The following VKORC1L1 variants were observed in gnomAD, a reference collection of about 807,000 sequenced individuals.
The protein encoded by VKORC1L1 is vitamin K epoxide reductase complex subunit 1L1.
A neutral mutation model predicts 18.9 loss-of-function variants in VKORC1L1; 2 were observed. The ratio of observed to expected loss-of-function variants is 0.11; its 90% CI spans 0.04 to 0.33. The LOEUF (loss-of-function observed/expected upper bound fraction) is 0.33, where lower values mean the gene tolerates loss of function less well. Ranked by LOEUF, VKORC1L1 falls within the 10% of genes least tolerant of loss-of-function variation. The pLI is 1.00. For missense variants in VKORC1L1, 123 were observed against 224.1 expected (o/e 0.55, Z 2.88); for synonymous variants, 96 against 100.0 (o/e 0.96, Z 0.24).
intron 1 of VKORC1L1, among the ~76,000 whole-genome samples, chr7:65,904,258 G>T (rs1789367805): frequency 6.6e-6 from 1 of 152,110 alleles, no homozygotes; most frequent in African/African-American, 2.4e-5. Context: ...GCCCAGGGTG[G>T]AGTACAGTAG....
At chr7:65,942,666 C>T (rs1790056818) in intron 1 of VKORC1L1, among the ~76,000 whole-genome samples, 2 of 151,910 alleles carry the variant, frequency 1.3e-5, no homozygotes, top group African/African-American at 4.8e-5. Flanking sequence ...GCTGGGATTA[C>T]AGGCGCCCGC....
intron 1 of VKORC1L1, among the ~76,000 whole-genome samples, chr7:65,907,633 C>A (rs1444721616): frequency 1.3e-5 from 2 of 152,112 alleles, no homozygotes; most frequent in East Asian, 1.9e-4. Context: ...CAATAAACAC[C>A]ACTGTGAATA....
chr7:65,875,505 C>T (rs1788811840), intron 1 of VKORC1L1, among the ~76,000 whole-genome samples: 1 of 152,060 alleles, frequency 6.6e-6, no homozygotes, highest in Non-Finnish European at 1.5e-5. Context: ...GCAACCTCCA[C>T]CTCCCGGGTT....
intron 1 of VKORC1L1, among the ~76,000 whole-genome samples, chr7:65,903,114 C>T (rs1789346666): frequency 6.6e-6 from 1 of 151,880 alleles, no homozygotes; most frequent in African/African-American, 2.4e-5. Context: ...GATCTGCCCA[C>T]CTCGGCCTCC....
chr7:65,954,865 A>G lies in VKORC1L1; in HGVS notation c.*565A>G, dbSNP rs2115761154. On this transcript the variant is annotated 3_prime_UTR_variant, in exon 3 of 3. Coordinates refer to ENST00000360768, the MANE Select transcript of VKORC1L1 (RefSeq NM_173517.6). ...CAGTTTAGTTGGAGTGTAGCACTGA[A>G]GAACTGTCAGCTCAGCGTTGACTGA... The G allele has an allele frequency of 6.5e-6, 1 of 155,010 alleles. No individual in the cohort carries two copies. 9.6% of individuals were successfully genotyped at this position (155,010 alleles called of 1,614,324 possible).
At chr7:65,916,168 C>T (rs1030641928) in intron 1 of VKORC1L1, among the ~76,000 whole-genome samples, 1 of 150,162 alleles carries the variant, frequency 6.7e-6, no homozygotes. Flanking sequence ...GCTTGATTAC[C>T]CAGTGATACA....
intron 1 of VKORC1L1, among the ~76,000 whole-genome samples, chr7:65,924,484 A>G (rs1457590802): frequency 1.3e-5 from 2 of 152,258 alleles, no homozygotes; most frequent in African/African-American, 4.8e-5. Flanking sequence ...GATCGTTGCC[A>G]AACTAACTAC....
chr7:65,920,003 C>T (rs1475075056), intron 1 of VKORC1L1, among the ~76,000 whole-genome samples: 1 of 152,122 alleles, frequency 6.6e-6, no homozygotes, highest in Non-Finnish European at 1.5e-5. Flanking sequence ...TACTGCTACC[C>T]TTGCCCTGGT....
intron 1 of VKORC1L1, among the ~76,000 whole-genome samples, chr7:65,914,420 C>T (rs2115588602): frequency 6.6e-6 from 1 of 152,210 alleles, no homozygotes; most frequent in Middle Eastern, 3.4e-3. Flanking sequence ...TCTTTTTTGC[C>T]ACTGTCTCTC....
chr7:65,944,899 A>G (rs906404931), intron 1 of VKORC1L1, among the ~76,000 whole-genome samples: 1 of 151,348 alleles, frequency 6.6e-6, no homozygotes, highest in African/African-American at 2.4e-5. Context: ...CATTATTGAC[A>G]GAGTGAGACC....
At chr7:65,951,270 C>T (rs1232685909) in intron 2 of VKORC1L1, among the ~76,000 whole-genome samples, 2 of 152,142 alleles carry the variant, frequency 1.3e-5, no homozygotes, top group Non-Finnish European at 2.9e-5. Flanking sequence ...AATCCATTCA[C>T]GTGGTTCAAA....
intron 1 of VKORC1L1, among the ~76,000 whole-genome samples, chr7:65,908,722 A>G (rs1016386747): frequency 1.3e-5 from 2 of 150,694 alleles, no homozygotes; most frequent in African/African-American, 4.9e-5. Flanking sequence ...CTATCTTCCC[A>G]GCTACTCAGG....
chr7:65,901,495 A>G (rs1331938663), intron 1 of VKORC1L1, among the ~76,000 whole-genome samples: 3 of 152,234 alleles, frequency 2.0e-5, no homozygotes, highest in Non-Finnish European at 2.9e-5. Flanking sequence ...AGCAATTTGT[A>G]GGCATTGGGT....
chr7:65,925,901 T>G (rs926625600), intron 1 of VKORC1L1, among the ~76,000 whole-genome samples: 10 of 152,122 alleles, frequency 6.6e-5, no homozygotes, highest in Admixed American at 6.5e-4. Context: ...CCAAGCGTCT[T>G]CATTCCAATC....
intron 1 of VKORC1L1, among the ~76,000 whole-genome samples, chr7:65,881,156 C>G (rs1268567929): frequency 6.6e-6 from 1 of 152,178 alleles, no homozygotes; most frequent in Non-Finnish European, 1.5e-5. Flanking sequence ...TTGTACTAGG[C>G]TTGTATTAGA....
At chr7:65,928,281 G>A (rs1353033694) in intron 1 of VKORC1L1, among the ~76,000 whole-genome samples, 1 of 141,896 alleles carries the variant, frequency 7.0e-6, no homozygotes, top group African/African-American at 2.6e-5. Flanking sequence ...TTTTCAGATG[G>A]GGTCTCACTG....
At chr7:65,902,237 T>C (rs766420153) in intron 1 of VKORC1L1, among the ~76,000 whole-genome samples, 1 of 152,152 alleles carries the variant, frequency 6.6e-6, no homozygotes, top group Middle Eastern at 3.4e-3. Flanking sequence ...GACAAAGACA[T>C]GAAAACAGCA....
At chr7:65,870,329 C>A (rs1788711514), upstream of VKORC1L1, among the ~76,000 whole-genome samples, 1 of 150,842 alleles carries the variant, frequency 6.6e-6, no homozygotes, top group Non-Finnish European at 1.5e-5. Flanking sequence ...ACTTGGGAGG[C>A]TGAGGCAGGA....
intron 1 of VKORC1L1, among the ~76,000 whole-genome samples, chr7:65,891,777 C>G (rs1401859162): frequency 6.6e-6 from 1 of 152,166 alleles, no homozygotes; most frequent in Non-Finnish European, 1.5e-5. Context: ...ACCCCATCAC[C>G]TGAATCATTT....
Sources: gnomAD v4.1 joint callset for allele counts (sites outside exome capture counted in the v4.1 genomes callset) on GRCh38, gnomAD v4.1.1 for gene constraint, MANE v1.5 for transcripts, NCBI Gene and HGNC (gene_info 2026-07-23, HGNC 2026-07-21) for gene names.